The following MED20 variants were observed in gnomAD, a reference collection of about 807,000 sequenced individuals.
MED20 encodes the protein mediator complex subunit 20.
A neutral mutation model predicts 19.7 loss-of-function variants in MED20; 19 were observed. The observed-to-expected ratio is 0.96, with a 90% CI of 0.67 to 1.42. The LOEUF (loss-of-function observed/expected upper bound fraction) is 1.42. Among genes scored for constraint, MED20 ranks in the 40% most tolerant of loss-of-function variants. The probability of loss-of-function intolerance (pLI) is 0.00; values close to 1 mark genes in which losing one functional copy is unlikely to be tolerated. For missense variants in MED20, 225 were observed against 273.0 expected, an observed-to-expected ratio of 0.82 and a Z score of 1.24; for synonymous variants, 105 against 104.8, an observed-to-expected ratio of 1.00 and a Z score of -0.01.
Position 41,918,968 on chromosome 6 carries a change from A to AT in MED20, c.15-2030_15-2029insA, listed in dbSNP as rs1477193960. ...GACTCCGTCTCAAAAAAAAAAAAAAAATACAAAAAAATTAGCCAGGCATGG... is the reference window on the plus strand; with the variant it reads ...GACTCCGTCTCAAAAAAAAAAAAAAATATACAAAAAAATTAGCCAGGCATGG... On this transcript the variant is annotated intron_variant, in intron 1 of 3. Coordinates refer to ENST00000265350, the MANE Select transcript of MED20 (RefSeq NM_004275.5). Among the ~76,000 whole-genome samples the AT allele has an allele frequency of 1.7e-3, 254 of 147,104 alleles. 2 individuals are homozygous for AT. The highest frequency in any genetic ancestry group is 3.1e-3 in the South Asian group (14 of 4,586).
rs1160505497 is a variant in MED20, at chr6:41,907,262, G to A, written c.449C>T (p.Ala150Val). ...GAGCAGCAGACTCCAGCAGTCACTAGCTACCACACAGGGGCCATACTCCAC... is the reference window on the plus strand; with the variant it reads ...GAGCAGCAGACTCCAGCAGTCACTAACTACCACACAGGGGCCATACTCCAC... Reference protein sequence around the residue: ...VEVEYGPCVVASDCWSLLLEF... With the variant: ...VEVEYGPCVVVSDCWSLLLEF... Residue 150 changes from alanine (A) to valine (V), a missense_variant, in exon 4 of 4, where the codon GCT (alanine) becomes GTT (valine). Transcript: ENST00000265350. 5.6e-6 allele frequency: 9 copies of A among 1,613,470 alleles called. No homozygotes were observed. The highest frequency in any genetic ancestry group is 7.6e-6 in the Non-Finnish European group (9 of 1,179,818).
At chr6:41,914,586 C>T (rs1041468484) in intron 2 of MED20, among the ~76,000 whole-genome samples, 7 of 151,728 alleles carry the variant, frequency 4.6e-5, no homozygotes, top group Middle Eastern at 3.2e-3. Context: ...AGAGCCAAGA[C>T]TAAGACAAAC....
chr6:41,916,912 G>C lies in MED20; in HGVS notation c.42C>G (p.Gly14=). The C allele has an allele frequency of 6.2e-7, 1 of 1,613,914 alleles. No individual in the cohort carries two copies. Among genetic ancestry groups the C allele is most frequent in the Admixed American group, 1.7e-5 (1 of 59,996 alleles). Residue 14 remains glycine (G), a synonymous_variant, in exon 2 of 4, where the codon GGC becomes GGG. Coordinates refer to ENST00000265350, the MANE Select transcript of MED20 (RefSeq NM_004275.5). ...GCTCTACGGTTTGCTGAACACTCTTGCCCTCGGCCACAGGCATCTGGGACA... is the reference window on the plus strand; with the variant it reads ...GCTCTACGGTTTGCTGAACACTCTTCCCCTCGGCCACAGGCATCTGGGACA... The part of the protein sequence containing the change: ...TCVSQMPVAE[G]KSVQQTVELL...
At chr6:41,920,196 G>A (rs1168662344) in intron 1 of MED20, among the ~76,000 whole-genome samples, 1 of 152,082 alleles carries the variant, frequency 6.6e-6, no homozygotes, top group Non-Finnish European at 1.5e-5. Flanking sequence ...ACCAACCATG[G>A]AATTAAACAT....
At chr6:41,916,720 A>G in intron 2 of MED20, 65 bp downstream of exon 2, 1 of 1,579,342 alleles carries the variant, frequency 6.3e-7, no homozygotes, top group Non-Finnish European at 8.7e-7. Flanking sequence ...AAAGACTTCA[A>G]TTAACTCAAA....
At chr6:41,917,047 G>A (rs200544611) in intron 1 of MED20, 108 bp from the exon 2 acceptor site, 97 of 1,168,168 alleles carry the variant, frequency 8.3e-5, no homozygotes, top group Admixed American at 5.2e-4. Flanking sequence ...AAGTTATCTT[G>A]GAAATTACCT....
Position 41,907,160 on chromosome 6 carries a change from T to C in MED20, c.551A>G (p.Tyr184Cys), listed in dbSNP as rs867023954. ...AVFGNRHDAV[Y>C]GPADTMVQYM... is the part of the protein sequence containing the mutation. ...CTGGACCATGGTATCTGCTGGGCCG[T>C]AGACCGCATCATGTCTGTTCCCAAA... is the stretch of plus-strand genomic sequence containing the variant. The change falls in exon 4 of 4, where the codon TAC becomes TGC. Residue 184 changes from tyrosine (Y) to cysteine (C), a missense_variant. Physicochemically the swap from Tyr to Cys is radical, Grantham distance 194. Coordinates refer to ENST00000265350, the MANE Select transcript of MED20 (RefSeq NM_004275.5). 1.9e-6 allele frequency: 3 copies of C among 1,614,036 alleles called. No individual in the cohort carries two copies. Among genetic ancestry groups the C allele is most frequent in the Admixed American group, 1.7e-5 (1 of 60,002 alleles).
At position 41,909,513 on chromosome 6, in the gene MED20, C is replaced by A. The variant is rs1412587870; in HGVS notation, c.179G>T (p.Gly60Val). Residue 60 changes from glycine (G) to valine (V), a missense_variant, in exon 3 of 4, where the codon GGG becomes GTG. Coordinates refer to ENST00000265350, the MANE Select transcript of MED20 (RefSeq NM_004275.5). ...ASTLGSQGQT[G>V]KLMYVMHNSE... ...GTTGTGCATCACATACATCAGCTTC[C>A]CGGTCTGACCTGCAAGGGACAGAGA... 1 of 1,614,092 alleles carries A rather than the reference C, an allele frequency of 6.2e-7. No individual in the cohort carries two copies. Among genetic ancestry groups the A allele is most frequent in the South Asian group, 1.1e-5 (1 of 91,078 alleles).
chr6:41,909,051 G>A (rs577460683), intron 3 of MED20: 251 of 588,874 alleles, frequency 4.3e-4, no homozygotes, highest in African/African-American at 4.1e-3. Context: ...TTCGGTGGGT[G>A]TAGTCCCAGG....
At chr6:41,916,607 G>A (rs906637998) in intron 2 of MED20, among the ~76,000 whole-genome samples, 178 bp downstream of exon 2, 1 of 151,398 alleles carries the variant, frequency 6.6e-6, no homozygotes, top group South Asian at 2.1e-4. Context: ...ATAAAATAAA[G>A]CTTTCAAAGG....
chr6:41,915,614 C>T (rs1164746082), intron 2 of MED20, among the ~76,000 whole-genome samples: 3 of 152,126 alleles, frequency 2.0e-5, no homozygotes, highest in East Asian at 1.9e-4. Context: ...GGTGAAACCC[C>T]GTCTCTACTA....
chr6:41,917,421 A>G (rs980960090), intron 1 of MED20: 12 of 179,492 alleles, frequency 6.7e-5, no homozygotes, highest in Non-Finnish European at 1.1e-4. Context: ...AAAATTTAAG[A>G]CCAGTCAAGT....
At chr6:41,918,740 G>C (rs1266559005) in intron 1 of MED20, among the ~76,000 whole-genome samples, 2 of 151,216 alleles carry the variant, frequency 1.3e-5, no homozygotes, top group Non-Finnish European at 3.0e-5. Context: ...GAGGTCAGGA[G>C]ATCGAGACCA....
intron 3 of MED20, among the ~76,000 whole-genome samples, chr6:41,908,144 C>T (rs937962345): frequency 6.6e-6 from 1 of 152,208 alleles, no homozygotes; most frequent in African/African-American, 2.4e-5. Context: ...CAGGAAGCAT[C>T]ACAACCAAAG....
intron 1 of MED20, among the ~76,000 whole-genome samples, chr6:41,919,771 T>C (rs1038693254): frequency 6.6e-6 from 1 of 152,062 alleles, no homozygotes; most frequent in Non-Finnish European, 1.5e-5. Flanking sequence ...TTCTATTTCT[T>C]TAAAAAAAAG....
intron 3 of MED20, among the ~76,000 whole-genome samples, chr6:41,907,834 TA>T (rs1175252564): frequency 5.3e-5 from 8 of 152,178 alleles, no homozygotes; most frequent in Non-Finnish European, 1.2e-4. Flanking sequence ...TCTGCTCTCT[TA>T]ATTTTTTACT....
chr6:41,912,274 C>T (rs1046194191), intron 2 of MED20, among the ~76,000 whole-genome samples: 1 of 142,870 alleles, frequency 7.0e-6, no homozygotes, highest in Non-Finnish European at 1.5e-5. Flanking sequence ...CTCCTAGGCT[C>T]AAGCAATCCT....
At chr6:41,919,128 CAAAAAAAAAAA>C (rs35512146) in intron 1 of MED20, among the ~76,000 whole-genome samples, 9 of 44,890 alleles carry the variant, frequency 2.0e-4, no homozygotes, top group South Asian at 8.7e-4. Flanking sequence ...GACTCTGCCT[CAAAAAAAAAAA>C]AAAAAAAAAA....
rs2127380054 is a variant in MED20, at chr6:41,916,675, C to G, written c.169+110G>C. The G allele has an allele frequency of 2.2e-6, 3 of 1,348,142 alleles. No homozygotes were observed. The East Asian group carries it at 7.0e-5, about 31-fold the overall frequency. The allele number at this position is 1,348,142 out of a possible 1,614,324, so 83.5% of individuals were successfully genotyped here. On this transcript the variant is annotated intron_variant, in intron 2 of 3. Coordinates refer to ENST00000265350, the MANE Select transcript of MED20 (RefSeq NM_004275.5). ...ATGACGTCAAAAACACATCTCGCCACATGTTTAAGAATACCACCTTTAGCA... is the reference window on the plus strand; with the variant it reads ...ATGACGTCAAAAACACATCTCGCCAGATGTTTAAGAATACCACCTTTAGCA...
Sources: gnomAD v4.1 joint callset for allele counts (sites outside exome capture counted in the v4.1 genomes callset) on GRCh38, gnomAD v4.1.1 for gene constraint, MANE v1.5 for transcripts, NCBI Gene and HGNC (gene_info 2026-07-23, HGNC 2026-07-21) for gene names.